FAM78B: variants seen among roughly 807,000 people sequenced by gnomAD.
FAM78B encodes the protein protein FAM78B.
FAM78B carries 10 observed loss-of-function variants against 20.0 expected under a neutral mutation model. The ratio of observed to expected loss-of-function variants is 0.50; its 90% CI spans 0.31 to 0.85. The LOEUF (loss-of-function observed/expected upper bound fraction) is 0.85, where lower values mean the gene tolerates loss of function less well. FAM78B is among the 40% of genes least tolerant of loss of function. The pLI is 0.05. For synonymous variants in FAM78B, 135 were observed against 132.8 expected (o/e 1.02, Z -0.12); for missense variants, 283 against 345.0 (o/e 0.82, Z 1.42).
intron 1 of FAM78B, among the ~76,000 whole-genome samples, chr1:166,101,816 C>A (rs1653532499): frequency 6.6e-6 from 1 of 152,082 alleles, no homozygotes; most frequent in Admixed American, 6.5e-5. Flanking sequence ...CTTCCCCAAT[C>A]TAGTAAGGCA....
At chr1:166,113,171 G>T (rs1232604540) in intron 1 of FAM78B, among the ~76,000 whole-genome samples, 1 of 152,164 alleles carries the variant, frequency 6.6e-6, no homozygotes, top group Non-Finnish European at 1.5e-5. Flanking sequence ...CTCTCAACAC[G>T]GCCTCTGGAC....
At chr1:166,058,159 G>T (rs4657511) in exon 3 of FAM78B, 150,673 of 152,302 alleles carry the variant, frequency 0.99, 74,541 homozygotes, top group South Asian at 1. Flanking sequence ...CCCACTTCTG[G>T]GCCTGAAATT....
At chr1:166,110,988 T>C (rs1557903959) in intron 1 of FAM78B, among the ~76,000 whole-genome samples, 3 of 152,178 alleles carry the variant, frequency 2.0e-5, no homozygotes, top group Non-Finnish European at 4.4e-5. Context: ...TGAAGGAGGA[T>C]ACAGGAGTTG....
At chr1:166,112,579 C>T (rs545341042) in intron 1 of FAM78B, among the ~76,000 whole-genome samples, 27 of 152,288 alleles carry the variant, frequency 1.8e-4, no homozygotes, top group South Asian at 1.5e-3. Context: ...TACACACTAA[C>T]GTCCCACTCC....
At chr1:166,143,422 C>T (rs1188483971) in intron 1 of FAM78B, among the ~76,000 whole-genome samples, 1 of 152,032 alleles carries the variant, frequency 6.6e-6, no homozygotes, top group Non-Finnish European at 1.5e-5. Flanking sequence ...CAGATGAAGA[C>T]AGGCCAGAGA....
intron 1 of FAM78B, among the ~76,000 whole-genome samples, chr1:166,109,848 A>ACATG (rs1653946698): frequency 3.5e-5 from 1 of 28,450 alleles, no homozygotes; most frequent in African/African-American, 8.9e-5. Flanking sequence ...ATGTATATAT[A>ACATG]TATATATATA....
intron 1 of FAM78B, among the ~76,000 whole-genome samples, chr1:166,087,760 T>C (rs1652891655): frequency 6.6e-6 from 1 of 152,186 alleles, no homozygotes; most frequent in South Asian, 2.1e-4. Context: ...CATTACTTAA[T>C]TGATTGGTTA....
At chr1:166,123,568 C>T (rs993742353) in intron 1 of FAM78B, among the ~76,000 whole-genome samples, 9 of 152,224 alleles carry the variant, frequency 5.9e-5, no homozygotes, top group African/African-American at 2.2e-4. Context: ...AATCCAAGCT[C>T]CTTAGTCTAC....
intron 1 of FAM78B, among the ~76,000 whole-genome samples, chr1:166,152,964 G>A (rs765844683): frequency 2.0e-5 from 3 of 152,076 alleles, no homozygotes; most frequent in African/African-American, 4.8e-5. Flanking sequence ...GCGTGAGTGC[G>A]CCCAGCTGGT....
chr1:166,106,667 T>C lies in FAM78B; in HGVS notation c.264-35904A>G, dbSNP rs147945766. Among the ~76,000 whole-genome samples, 146 of 152,000 alleles carry C rather than the reference T, an allele frequency of 9.6e-4. 1 individual carries two copies. Among genetic ancestry groups the C allele is most frequent in the African/African-American group, 3.0e-3 (126 of 41,434 alleles). On this transcript the variant is annotated intron_variant, in intron 1 of 1. Coordinates refer to ENST00000354422, the MANE Select transcript of FAM78B (RefSeq NM_001017961.5). The stretch of plus-strand genomic sequence containing the variant: ...CTCACTGCTAAGTAGGAGCTAAACA[T>C]TGGGTACTCATGGACAAAAAGATGG...
intron 1 of FAM78B, among the ~76,000 whole-genome samples, chr1:166,128,551 A>G (rs1244169040): frequency 6.6e-6 from 1 of 152,246 alleles, no homozygotes; most frequent in Non-Finnish European, 1.5e-5. Flanking sequence ...CCTAATTGTG[A>G]AAGGCTATCC....
At chr1:166,109,835 T>TAC (rs1653939924) in intron 1 of FAM78B, among the ~76,000 whole-genome samples, 5 of 17,412 alleles carry the variant, frequency 2.9e-4, no homozygotes, top group South Asian at 4.5e-3. Flanking sequence ...TATATATGTA[T>TAC]ATATGTATAT....
At chr1:166,077,886 TA>T (rs1207429645) in intron 1 of FAM78B, among the ~76,000 whole-genome samples, 258 of 1,746 alleles carry the variant, frequency 0.15, 20 homozygotes, top group Non-Finnish European at 0.23. Context: ...ATATATATAA[TA>T]AATATATATA....
At chr1:166,097,013 G>A (rs527723518) in intron 1 of FAM78B, among the ~76,000 whole-genome samples, 4 of 152,254 alleles carry the variant, frequency 2.6e-5, no homozygotes, top group East Asian at 3.9e-4. Context: ...GCTCCTGCAC[G>A]ACCCAGGAGA....
intron 1 of FAM78B, among the ~76,000 whole-genome samples, chr1:166,100,771 G>C (rs748825151): frequency 3.3e-5 from 5 of 152,242 alleles, no homozygotes; most frequent in Non-Finnish European, 5.9e-5. Context: ...TGGGAGCAGG[G>C]CATAGCCAAA....
chr1:166,127,941 T>C (rs536833358), intron 1 of FAM78B, among the ~76,000 whole-genome samples: 1 of 152,198 alleles, frequency 6.6e-6, no homozygotes, highest in African/African-American at 2.4e-5. Flanking sequence ...ATTTTAGAAG[T>C]AGCAGATATA....
chr1:166,063,244 GAC>G (rs1163105157), intron 2 of FAM78B, among the ~76,000 whole-genome samples: 1 of 152,240 alleles, frequency 6.6e-6, no homozygotes, highest in East Asian at 1.9e-4. Context: ...ACACATAGAA[GAC>G]ACTCACTACA....
At chr1:166,095,927 G>A (rs1571157455) in intron 1 of FAM78B, among the ~76,000 whole-genome samples, 1 of 152,134 alleles carries the variant, frequency 6.6e-6, no homozygotes, top group Admixed American at 6.5e-5. Context: ...AATGCAGGAA[G>A]CTGCAGACAG....
At position 166,070,366 on chromosome 1, in the gene FAM78B, G is replaced by A. The variant is rs747871153; in HGVS notation, c.661C>T (p.Arg221Trp). 1.3e-5 allele frequency: 21 copies of A among 1,613,636 alleles called. No individual in the cohort carries two copies. Among genetic ancestry groups the A allele is most frequent in the South Asian group, 2.2e-5 (2 of 91,002 alleles). ...ATGGGTTCCATCCGGCTCAGGATCC[G>A]GGGCTGCTCCTGCTGAGTCCTGCCC... Reference protein sequence around the residue: ...LVGRTQQEQPRILSRMEPIPP... With the variant: ...LVGRTQQEQPWILSRMEPIPP... Residue 221 changes from arginine to tryptophan, a missense_variant, in exon 2 of 2, where the codon CGG (arginine) becomes TGG (tryptophan). Arg to Trp is a moderately radical substitution (Grantham distance 101). Coordinates refer to ENST00000354422, the MANE Select transcript of FAM78B (RefSeq NM_001017961.5).
Sources: gnomAD v4.1 joint callset for allele counts (sites outside exome capture counted in the v4.1 genomes callset) on GRCh38, gnomAD v4.1.1 for gene constraint, MANE v1.5 for transcripts, NCBI Gene and HGNC (gene_info 2026-07-23, HGNC 2026-07-21) for gene names.